DCDC1: variants seen among roughly 807,000 people sequenced by gnomAD.
DCDC1 encodes the protein doublecortin domain containing 1, also known as doublecortin domain-containing protein 1.
A neutral mutation model predicts 178.3 loss-of-function variants in DCDC1; 200 were observed. That is an observed-to-expected ratio of 1.12 (90% CI 1.00 to 1.26). The LOEUF (loss-of-function observed/expected upper bound fraction) is 1.26. Among genes scored for constraint, DCDC1 ranks in the 50% most tolerant of loss-of-function variants. The pLI is 0.00. For synonymous variants in DCDC1, 690 were observed against 604.8 expected (o/e 1.14, Z -2.07); for missense variants, 1,983 against 1,749.2 (o/e 1.13, Z -2.38).
In DCDC1 at chr11:31,270,187, G is replaced by A. The variant is rs150946367; in HGVS notation, c.961-4587C>T. On this transcript the variant is annotated intron_variant, in intron 7 of 38. Transcript: ENST00000684477. ...TAGCCTGTTTCTGTGTGGCCTATAGGCTAAGAATGGCTTGTACATTTTGAA... is the reference window on the plus strand; with the variant it reads ...TAGCCTGTTTCTGTGTGGCCTATAGACTAAGAATGGCTTGTACATTTTGAA... 1.4e-3 allele frequency among the ~76,000 whole-genome samples: 212 copies of A among 152,256 alleles called. No individual in the cohort carries two copies. The South Asian group carries it at 0.015, about 11-fold the overall frequency.
intron 1 of DCDC1, among the ~76,000 whole-genome samples, chr11:31,359,432 T>G (rs1205363796): frequency 2.1e-5 from 2 of 96,822 alleles, no homozygotes; most frequent in African/African-American, 4.1e-5. Flanking sequence ...TGGGGACTGT[T>G]GTGGGGTGGG....
chr11:31,292,073 T>C (rs1054137482), intron 6 of DCDC1, among the ~76,000 whole-genome samples: 3 of 151,928 alleles, frequency 2.0e-5, no homozygotes, highest in Non-Finnish European at 2.9e-5. Flanking sequence ...AAAACACATA[T>C]ACCGTGGCAG....
intron 7 of DCDC1, among the ~76,000 whole-genome samples, chr11:31,276,997 T>C (rs147441259): frequency 8.7e-4 from 133 of 152,304 alleles, no homozygotes; most frequent in African/African-American, 3.0e-3. Context: ...ATAATGTACA[T>C]GAAATAAACT....
intron 6 of DCDC1, among the ~76,000 whole-genome samples, chr11:31,301,272 T>C (rs1320022566): frequency 6.6e-6 from 1 of 152,138 alleles, no homozygotes; most frequent in Non-Finnish European, 1.5e-5. Context: ...AAATACACTA[T>C]TCAAACCAAA....
chr11:31,054,299 T>C (rs917573715), intron 20 of DCDC1, among the ~76,000 whole-genome samples: 12 of 148,250 alleles, frequency 8.1e-5, no homozygotes, highest in South Asian at 2.1e-4. Context: ...AAAAGACCTC[T>C]ACAAGGAAAA....
chr11:30,991,511 G>A (rs995799036), intron 20 of DCDC1, among the ~76,000 whole-genome samples: 4 of 151,944 alleles, frequency 2.6e-5, no homozygotes, highest in Admixed American at 6.6e-5. Context: ...CAACTGGATC[G>A]GACAGCTCAA....
intron 17 of DCDC1, among the ~76,000 whole-genome samples, chr11:31,084,673 T>C (rs770781292): frequency 6.6e-6 from 1 of 152,076 alleles, no homozygotes; most frequent in Non-Finnish European, 1.5e-5. Flanking sequence ...TCAACTTAAG[T>C]ACTTCCCTCC....
chr11:31,146,753 C>T (rs1198090879), intron 9 of DCDC1, among the ~76,000 whole-genome samples: 7 of 152,212 alleles, frequency 4.6e-5, no homozygotes, highest in Non-Finnish European at 1.0e-4. Flanking sequence ...CCGGCTGAAA[C>T]ACCCACTTGA....
chr11:31,143,269 T>C (rs1455473364), intron 9 of DCDC1, among the ~76,000 whole-genome samples: 1 of 152,104 alleles, frequency 6.6e-6, no homozygotes, highest in Non-Finnish European at 1.5e-5. Flanking sequence ...GAAGTGGTAA[T>C]ACGGGGCATT....
intron 32 of DCDC1, among the ~76,000 whole-genome samples, chr11:30,902,644 T>G (rs1443551186): frequency 1.3e-5 from 2 of 152,116 alleles, no homozygotes; most frequent in Non-Finnish European, 2.9e-5. Flanking sequence ...ACTTTATAAA[T>G]AAGAAAATTG....
intron 7 of DCDC1, among the ~76,000 whole-genome samples, chr11:31,279,226 T>C (rs998021973): frequency 6.6e-6 from 1 of 152,154 alleles, no homozygotes; most frequent in Admixed American, 6.6e-5. Context: ...ATTGGATTTT[T>C]ACATTTCATT....
At chr11:31,145,156 C>T (rs1964301178) in intron 9 of DCDC1, among the ~76,000 whole-genome samples, 1 of 152,076 alleles carries the variant, frequency 6.6e-6, no homozygotes, top group Non-Finnish European at 1.5e-5. Context: ...GCCCTTGATG[C>T]TCAATGTATT....
chr11:30,887,459 G>A (rs1391573592), intron 36 of DCDC1, among the ~76,000 whole-genome samples: 5 of 152,160 alleles, frequency 3.3e-5, no homozygotes, highest in South Asian at 4.1e-4. Context: ...GCTGTGAGAT[G>A]TATGTAGCCT....
At chr11:31,290,890 T>C (rs1947180904) in intron 6 of DCDC1, 38 bp from the exon 7 acceptor site, 1 of 1,585,724 alleles carries the variant, frequency 6.3e-7, no homozygotes, top group East Asian at 2.2e-5. Flanking sequence ...AATATTTGGC[T>C]TCAAAATTAA....
chr11:30,982,952 G>A (rs142589920), intron 20 of DCDC1, among the ~76,000 whole-genome samples: 4 of 152,162 alleles, frequency 2.6e-5, no homozygotes, highest in Admixed American at 6.6e-5. Context: ...GGGCCCGACC[G>A]TGCTCCCATC....
At chr11:31,362,533 T>C (rs995680264) in intron 1 of DCDC1, among the ~76,000 whole-genome samples, 6 of 152,132 alleles carry the variant, frequency 3.9e-5, no homozygotes, top group African/African-American at 1.4e-4. Context: ...AGAGTGAAAA[T>C]GCTGTCAGAT....
At chr11:31,026,713 G>A (rs1346290602) in intron 20 of DCDC1, among the ~76,000 whole-genome samples, 1 of 151,716 alleles carries the variant, frequency 6.6e-6, no homozygotes, top group Non-Finnish European at 1.5e-5. Flanking sequence ...TTTAGAGCAT[G>A]TAAATTATCA....
rs149602593 is a variant in DCDC1 at position 31,272,583 on chromosome 11, G to A, written c.961-6983C>T. On this transcript the variant is annotated intron_variant, in intron 7 of 38. Coordinates refer to ENST00000684477, the MANE Select transcript of DCDC1 (RefSeq NM_001387274.1). ...GGATAAATACAGTTGTTCCAAATGGGAGAAACTGGAGAAAACAAATGGGCT... is the reference window on the plus strand; with the variant it reads ...GGATAAATACAGTTGTTCCAAATGGAAGAAACTGGAGAAAACAAATGGGCT... Among the ~76,000 whole-genome samples, 630 of 152,304 alleles carry A rather than the reference G, an allele frequency of 4.1e-3. 3 individuals are homozygous for A. Among genetic ancestry groups the A allele is most frequent in the African/African-American group, 0.015 (609 of 41,572 alleles).
intron 22 of DCDC1, among the ~76,000 whole-genome samples, chr11:30,930,934 G>C (rs1201523408): frequency 6.6e-6 from 1 of 152,122 alleles, no homozygotes; most frequent in Non-Finnish European, 1.5e-5. Context: ...TTTACAGGCA[G>C]TTCAGTGGTC....
Sources: gnomAD v4.1 joint callset for allele counts (sites outside exome capture counted in the v4.1 genomes callset) on GRCh38, gnomAD v4.1.1 for gene constraint, MANE v1.5 for transcripts, NCBI Gene and HGNC (gene_info 2026-07-23, HGNC 2026-07-21) for gene names.